Variants in DLGAP2 observed in about 807,000 individuals in gnomAD.
The protein encoded by DLGAP2 is disks large-associated protein 2.
A neutral mutation model predicts 100.3 loss-of-function variants in DLGAP2; 26 were observed. The observed-to-expected ratio is 0.26, with a 90% CI of 0.19 to 0.36. DLGAP2 has a LOEUF of 0.36. Among genes scored for constraint, DLGAP2 ranks in the 10% least tolerant of loss-of-function variants. The probability of loss-of-function intolerance (pLI) is 1.00; values close to 1 mark genes in which losing one functional copy is unlikely to be tolerated. For missense variants in DLGAP2, 1,858 were observed against 1,453.2 expected, an observed-to-expected ratio of 1.28 and a Z score of -4.53; for synonymous variants, 886 against 630.1, an observed-to-expected ratio of 1.41 and a Z score of -6.08.
At chr8:1,569,445 T>C (rs1729265050) in intron 6 of DLGAP2, among the ~76,000 whole-genome samples, 1 of 152,212 alleles carries the variant, frequency 6.6e-6, no homozygotes, top group South Asian at 2.1e-4. Flanking sequence ...TTGAAAGTCC[T>C]CGAAACTCCT....
intron 2 of DLGAP2, among the ~76,000 whole-genome samples, chr8:929,062 GA>G (rs1195129805): frequency 1.9e-4 from 2 of 10,412 alleles, no homozygotes; most frequent in Non-Finnish European, 1.7e-4. Flanking sequence ...AAACATCCCA[GA>G]ACCCCCGGCC....
At chr8:978,458 A>T (rs58003591) in intron 2 of DLGAP2, among the ~76,000 whole-genome samples, 6 of 25,898 alleles carry the variant, frequency 2.3e-4, no homozygotes, top group Admixed American at 1.3e-3. Flanking sequence ...GTCTTTGGTG[A>T]CGTGGGGAGG....
At chr8:873,334 A>G (rs1797633535) in intron 1 of DLGAP2, among the ~76,000 whole-genome samples, 1 of 152,152 alleles carries the variant, frequency 6.6e-6, no homozygotes, top group Non-Finnish European at 1.5e-5. Flanking sequence ...ACTTCTCTTC[A>G]TTACCCTGGC....
chr8:1,172,038 T>C (rs1797140034), intron 2 of DLGAP2, among the ~76,000 whole-genome samples: 2 of 152,142 alleles, frequency 1.3e-5, no homozygotes, highest in Admixed American at 1.3e-4. Context: ...TTCCTTTTCA[T>C]GTTTAGTGCT....
intron 3 of DLGAP2, among the ~76,000 whole-genome samples, chr8:1,439,288 G>C (rs991390827): frequency 2.6e-5 from 4 of 152,204 alleles, no homozygotes; most frequent in Non-Finnish European, 5.9e-5. Context: ...GGAAGGGAAG[G>C]AGGGACAGAG....
intron 1 of DLGAP2, among the ~76,000 whole-genome samples, chr8:757,142 C>G (rs1046842957): frequency 6.6e-6 from 1 of 152,204 alleles, no homozygotes; most frequent in African/African-American, 2.4e-5. Flanking sequence ...TCATTGCTCT[C>G]TGTCCCCTTC....
intron 8 of DLGAP2, among the ~76,000 whole-genome samples, chr8:1,637,081 A>T (rs7017309): frequency 6.6e-6 from 1 of 151,760 alleles, no homozygotes; most frequent in Non-Finnish European, 1.5e-5. Context: ...CGCAGGCAGG[A>T]TGTCTCTGCA....
chr8:746,728 T>TC (rs1820626545), intron 1 of DLGAP2, among the ~76,000 whole-genome samples: 4 of 152,204 alleles, frequency 2.6e-5, no homozygotes, highest in Admixed American at 2.6e-4. Flanking sequence ...TAATAGAAAG[T>TC]CCCACACAAA....
chr8:1,491,437 T>C (rs1180430432), intron 3 of DLGAP2, among the ~76,000 whole-genome samples: 1 of 76,142 alleles, frequency 1.3e-5, no homozygotes, highest in Non-Finnish European at 3.1e-5. Context: ...CAGAGGCTGT[T>C]TCAGAAAGTG....
intron 2 of DLGAP2, among the ~76,000 whole-genome samples, chr8:1,143,309 T>C (rs981567398): frequency 1.5e-4 from 23 of 152,322 alleles, no homozygotes; most frequent in African/African-American, 5.1e-4. Context: ...AGGGTGTCTG[T>C]CTGAAATGGG....
At chr8:1,151,417 T>TAC (rs1796694621) in intron 2 of DLGAP2, among the ~76,000 whole-genome samples, 1 of 152,180 alleles carries the variant, frequency 6.6e-6, no homozygotes, top group Non-Finnish European at 1.5e-5. Flanking sequence ...GAAGTCACTG[T>TAC]ACAGAGGAAA....
intron 4 of DLGAP2, among the ~76,000 whole-genome samples, chr8:1,522,886 T>C (rs565808036): frequency 6.6e-6 from 1 of 152,296 alleles, no homozygotes; most frequent in East Asian, 1.9e-4. Flanking sequence ...GGCATGAAAA[T>C]TAGGGAGTAG....
At chr8:1,294,690 T>C (rs999158898) in intron 3 of DLGAP2, among the ~76,000 whole-genome samples, 2 of 152,112 alleles carry the variant, frequency 1.3e-5, no homozygotes, top group African/African-American at 4.8e-5. Flanking sequence ...ATGTTGTATG[T>C]GTGAGAGAGT....
chr8:1,065,562 G>A (rs1256950494), intron 2 of DLGAP2, among the ~76,000 whole-genome samples: 1 of 152,186 alleles, frequency 6.6e-6, no homozygotes, highest in Non-Finnish European at 1.5e-5. Context: ...TCTGTAAAAT[G>A]TGGCTCTGTG....
intron 2 of DLGAP2, among the ~76,000 whole-genome samples, chr8:1,110,149 CTG>C (rs201604108): frequency 0.027 from 3,841 of 143,618 alleles, 89 homozygotes; most frequent in Non-Finnish European, 0.038. Flanking sequence ...TGTACTGTAT[CTG>C]TGAGGTGTGC....
intron 2 of DLGAP2, among the ~76,000 whole-genome samples, chr8:933,544 G>T (rs1799009686): frequency 7.9e-6 from 1 of 125,892 alleles, no homozygotes; most frequent in African/African-American, 3.3e-5. Context: ...GTGGGCATGA[G>T]GGGAGGGTGA....
chr8:1,129,063 G>A lies in DLGAP2; in HGVS notation c.74-129788G>A, dbSNP rs183687481. Among the ~76,000 whole-genome samples the A allele has an allele frequency of 1.6e-3, 244 of 152,254 alleles. 1 individual carries two copies. Among genetic ancestry groups the A allele is most frequent in the Middle Eastern group, 3.4e-3 (1 of 294 alleles). ...AACAAACTCACAATTCCACTTCATGGTCCTCTGTCGCTTTTGTGTACAGAC... is the reference window on the plus strand; with the variant it reads ...AACAAACTCACAATTCCACTTCATGATCCTCTGTCGCTTTTGTGTACAGAC... On this transcript the variant is annotated intron_variant, in intron 2 of 14. Transcript: ENST00000637795.
chr8:1,408,656 C>A (rs921098666), intron 3 of DLGAP2, among the ~76,000 whole-genome samples: 1 of 152,138 alleles, frequency 6.6e-6, no homozygotes, highest in Admixed American at 6.5e-5. Flanking sequence ...GAAAATGTAT[C>A]TTGGATGTTT....
intron 1 of DLGAP2, among the ~76,000 whole-genome samples, chr8:839,375 T>C (rs929668321): frequency 1.4e-4 from 22 of 152,184 alleles, no homozygotes; most frequent in Non-Finnish European, 3.1e-4. Flanking sequence ...CTGATATAGA[T>C]GCACAATGGA....
Sources: allele counts gnomAD v4.1 joint callset (sites outside exome capture counted in the v4.1 genomes callset), GRCh38; gene constraint gnomAD v4.1.1; transcripts MANE v1.5; gene names NCBI Gene and HGNC (gene_info 2026-07-23, HGNC 2026-07-21).